The following NCOA6 variants were observed in gnomAD, a reference collection of about 807,000 sequenced individuals.
NCOA6 encodes the protein nuclear receptor coactivator 6.
In NCOA6, 49 loss-of-function variants were observed where a neutral mutation model predicts 171.4. That is an observed-to-expected ratio of 0.29 (90% CI 0.23 to 0.36). The LOEUF is 0.36. Among genes scored for constraint, NCOA6 ranks in the 10% least tolerant of loss-of-function variants. The pLI, the probability that NCOA6 is intolerant of heterozygous loss-of-function variation, is 1.00. For synonymous variants in NCOA6, 910 were observed against 927.5 expected, an observed-to-expected ratio of 0.98 and a Z score of 0.34; for missense variants, 2,248 against 2,554.5, an observed-to-expected ratio of 0.88 and a Z score of 2.59.
At chr20:34,743,479 C>T in intron 10 of NCOA6, 138 bp from the exon 11 acceptor site, 1 of 844,316 alleles carries the variant, frequency 1.2e-6, no homozygotes, top group Non-Finnish European at 1.8e-6. Flanking sequence ...ACTCCTGGGG[C>T]AGGGGGCAGC....
intron 4 of NCOA6, among the ~76,000 whole-genome samples, chr20:34,772,074 C>T: frequency 6.6e-6 from 1 of 152,016 alleles, no homozygotes; most frequent in East Asian, 1.9e-4. Flanking sequence ...TTTGTTAATC[C>T]CAGCACTTTG....
intron 4 of NCOA6, among the ~76,000 whole-genome samples, chr20:34,770,318 C>T (rs1024455620): frequency 6.6e-6 from 1 of 152,126 alleles, no homozygotes; most frequent in Non-Finnish European, 1.5e-5. Context: ...AGCCACCATG[C>T]CTGGCTAGGT....
At chr20:34,753,050 T>A (rs1477550255) in intron 8 of NCOA6, among the ~76,000 whole-genome samples, 1 of 148,426 alleles carries the variant, frequency 6.7e-6, no homozygotes, top group East Asian at 2.0e-4. Flanking sequence ...AAAACATACT[T>A]TTTTTTTTTT....
intron 4 of NCOA6, among the ~76,000 whole-genome samples, chr20:34,775,731 G>A (rs1017387856): frequency 6.7e-6 from 1 of 148,806 alleles, no homozygotes; most frequent in Non-Finnish European, 1.5e-5. Flanking sequence ...TGCTACAAAA[G>A]GAAAGGACTG....
intron 1 of NCOA6, among the ~76,000 whole-genome samples, chr20:34,797,774 G>A (rs1194045767): frequency 6.6e-6 from 1 of 152,036 alleles, no homozygotes; most frequent in Non-Finnish European, 1.5e-5. Flanking sequence ...TGTAGTCCCA[G>A]CCACTCGGGA....
chr20:34,758,755 C>T (rs201228489), intron 6 of NCOA6, 50 bp downstream of exon 6: 7 of 619,608 alleles, frequency 1.1e-5, no homozygotes, highest in Non-Finnish European at 1.1e-5. Flanking sequence ...TTATAATGAT[C>T]TGTGCAGAAA....
chr20:34,716,011 G>A (rs1988525731), intron 14 of NCOA6, among the ~76,000 whole-genome samples: 1 of 152,126 alleles, frequency 6.6e-6, no homozygotes, highest in African/African-American at 2.4e-5. Flanking sequence ...GAGGTGAGGA[G>A]TTTGAGACTA....
intron 1 of NCOA6, among the ~76,000 whole-genome samples, chr20:34,792,788 T>TTA (rs1290976906): frequency 2.0e-5 from 3 of 148,472 alleles, no homozygotes; most frequent in Non-Finnish European, 3.0e-5. Context: ...TTTTTTTTTT[T>TTA]TTTTTTTTTG....
chr20:34,807,935 A>G (rs1009562948), intron 1 of NCOA6, among the ~76,000 whole-genome samples: 1 of 145,564 alleles, frequency 6.9e-6, no homozygotes, highest in African/African-American at 2.5e-5. Context: ...GGATCACATG[A>G]AGTCGGGAGT....
intron 3 of NCOA6, among the ~76,000 whole-genome samples, chr20:34,781,706 T>C (rs183888899): frequency 6.6e-5 from 10 of 152,326 alleles, no homozygotes; most frequent in African/African-American, 2.2e-4. Context: ...ACTTCTGACA[T>C]AAAAGTTAAA....
intron 1 of NCOA6, among the ~76,000 whole-genome samples, chr20:34,811,466 C>T (rs955104898): frequency 2.6e-5 from 4 of 151,570 alleles, no homozygotes; most frequent in Admixed American, 2.0e-4. Flanking sequence ...GACTCTTTTG[C>T]CTGCATTTAA....
At chr20:34,778,329 G>C (rs756290651) in intron 3 of NCOA6, among the ~76,000 whole-genome samples, 1 of 152,168 alleles carries the variant, frequency 6.6e-6, no homozygotes, top group Non-Finnish European at 1.5e-5. Flanking sequence ...CAAGGAAGTA[G>C]AGTAGTCCAA....
In NCOA6 at chr20:34,742,059, C is replaced by G; in HGVS notation, c.4197G>C (p.Gln1399His). The G allele has an allele frequency of 1.2e-6, 2 of 1,614,214 alleles. No homozygotes were observed. Among genetic ancestry groups the G allele is most frequent in the African/African-American group, 1.3e-5 (1 of 75,052 alleles). The change falls in exon 11 of 15, where the codon CAG becomes CAC. Residue 1399 changes from glutamine to histidine, a missense_variant. Gln to His is a conservative substitution (Grantham distance 24). This residue lies in a region of NCOA6 where 884 missense variants were observed against 941.9 expected (regional missense o/e 0.94). Transcript: ENST00000359003. ...CTGCAGCCACAGACACAGTAGAATT[C>G]TGAGGATTCAGCCCACTGTTGTTAG... ...SFPNNSGLNP[Q>H]NSTVSVAAVG...
chr20:34,734,480 C>A (rs1280281009), intron 12 of NCOA6, among the ~76,000 whole-genome samples: 1 of 152,128 alleles, frequency 6.6e-6, no homozygotes. Context: ...ACCTCAGCCT[C>A]CCAAGTAGTA....
intron 1 of NCOA6, among the ~76,000 whole-genome samples, chr20:34,797,413 G>A (rs1293857095): frequency 6.6e-6 from 1 of 152,092 alleles, no homozygotes; most frequent in Non-Finnish European, 1.5e-5. Context: ...CTCAGCCCTG[G>A]CAGCATTCAT....
intron 6 of NCOA6, among the ~76,000 whole-genome samples, chr20:34,758,603 G>T (rs1195612480): frequency 2.0e-5 from 3 of 151,712 alleles, no homozygotes; most frequent in Non-Finnish European, 4.4e-5. Flanking sequence ...GAAATGTTGG[G>T]GTATAATTGA....
chr20:34,754,282 A>C (rs533462247), intron 8 of NCOA6, among the ~76,000 whole-genome samples: 21 of 152,220 alleles, frequency 1.4e-4, no homozygotes, highest in Non-Finnish European at 2.8e-4. Flanking sequence ...GCAAGCTCTA[A>C]CTCAGGGGTC....
intron 4 of NCOA6, among the ~76,000 whole-genome samples, chr20:34,772,827 C>T (rs1173706119): frequency 6.6e-6 from 1 of 152,124 alleles, no homozygotes; most frequent in Non-Finnish European, 1.5e-5. Flanking sequence ...GCTGAAAAGA[C>T]TCCCACACAT....
At chr20:34,750,573 T>A in intron 8 of NCOA6, 54 bp from the exon 9 acceptor site, 7 of 1,475,054 alleles carry the variant, frequency 4.7e-6, no homozygotes, top group Non-Finnish European at 5.4e-6. Flanking sequence ...ATCTTATTGG[T>A]ATTAAGATAC....
Sources: allele counts gnomAD v4.1 joint callset (sites outside exome capture counted in the v4.1 genomes callset), GRCh38; gene constraint gnomAD v4.1.1; regional missense constraint gnomAD v4.1.1; transcripts MANE v1.5; gene names NCBI Gene and HGNC (gene_info 2026-07-23, HGNC 2026-07-21).